FOXO3: variants seen among roughly 807,000 people sequenced by gnomAD.
FOXO3 encodes forkhead box protein O3.
A neutral mutation model predicts 41.9 loss-of-function variants in FOXO3; 4 were observed. The observed-to-expected ratio is 0.10, with a 90% CI of 0.05 to 0.22. FOXO3 has a LOEUF of 0.22. Among genes scored for constraint, FOXO3 ranks in the 10% least tolerant of loss-of-function variants. The probability of loss-of-function intolerance (pLI) is 1.00; values close to 1 mark genes in which losing one functional copy is unlikely to be tolerated. For missense variants in FOXO3, 534 were observed against 906.8 expected (o/e 0.59, Z 5.28); for synonymous variants, 318 against 389.3 (o/e 0.82, Z 2.16).
At chr6:108,650,545 GT>G (rs1778518023) in intron 1 of FOXO3, among the ~76,000 whole-genome samples, 2 of 152,146 alleles carry the variant, frequency 1.3e-5, no homozygotes, top group African/African-American at 2.4e-5. Flanking sequence ...GTGCTTTCAA[GT>G]TTACCTAGCA....
chr6:108,582,839 A>G (rs1179035395), intron 1 of FOXO3, among the ~76,000 whole-genome samples: 1 of 151,930 alleles, frequency 6.6e-6, no homozygotes, highest in Non-Finnish European at 1.5e-5. Context: ...GACTCTCGGT[A>G]CCCCCTTCTC....
intron 1 of FOXO3, among the ~76,000 whole-genome samples, chr6:108,619,423 A>G (rs914681001): frequency 3.3e-5 from 5 of 152,234 alleles, no homozygotes; most frequent in African/African-American, 7.2e-5. Context: ...CCTGCTAGGC[A>G]TTACTTCTCT....
intron 1 of FOXO3, among the ~76,000 whole-genome samples, chr6:108,644,192 A>C (rs1582809287): frequency 6.6e-6 from 1 of 152,272 alleles, no homozygotes; most frequent in Non-Finnish European, 1.5e-5. Flanking sequence ...TTGAGTTCTC[A>C]TCCATGTGGT....
rs79345114 is a variant in FOXO3, at chr6:108,646,479, T to C, written c.622-16976T>C. 9.7e-3 allele frequency among the ~76,000 whole-genome samples: 1,476 copies of C among 152,310 alleles called. 25 individuals carry two copies. Among genetic ancestry groups the C allele is most frequent in the African/African-American group, 0.034 (1,394 of 41,558 alleles). ...TCACCAACCAATCCAAATTTTTTTT[T>C]CCCAAATCTTAATTAAAAACAAAAT... On this transcript the variant is annotated intron_variant, in intron 1 of 2. Transcript: ENST00000406360.
chr6:108,628,019 T>G (rs143675435), intron 1 of FOXO3, among the ~76,000 whole-genome samples: 2 of 152,160 alleles, frequency 1.3e-5, no homozygotes, highest in Non-Finnish European at 2.9e-5. Context: ...ATTTTGGAGA[T>G]AGAGTCCCTA....
intron 1 of FOXO3, among the ~76,000 whole-genome samples, chr6:108,603,443 A>G (rs1373463950): frequency 2.6e-5 from 4 of 152,158 alleles, no homozygotes; most frequent in African/African-American, 9.7e-5. Flanking sequence ...AGCATCAGCC[A>G]TGAAAACTTT....
At chr6:108,638,640 C>T (rs1778176620) in intron 1 of FOXO3, among the ~76,000 whole-genome samples, 1 of 152,196 alleles carries the variant, frequency 6.6e-6, no homozygotes, top group Non-Finnish European at 1.5e-5. Context: ...CCTTCTCCCA[C>T]TGCCCCAGCA....
At chr6:108,643,624 C>G (rs1307048609) in intron 1 of FOXO3, among the ~76,000 whole-genome samples, 3 of 152,176 alleles carry the variant, frequency 2.0e-5, no homozygotes, top group Admixed American at 1.3e-4. Flanking sequence ...AATTTCTTCT[C>G]TTTTGGTCAA....
intron 1 of FOXO3, among the ~76,000 whole-genome samples, chr6:108,634,240 G>C (rs927224565): frequency 3.3e-5 from 5 of 152,274 alleles, no homozygotes; most frequent in African/African-American, 9.6e-5. Context: ...ACGTGTGTGC[G>C]TGTGAATTTA....
intron 2 of FOXO3, among the ~76,000 whole-genome samples, chr6:108,668,720 G>T (rs974285705): frequency 6.6e-6 from 1 of 152,072 alleles, no homozygotes; most frequent in Non-Finnish European, 1.5e-5. Context: ...AGAGGGGAGG[G>T]GTGGTTCACT....
intron 1 of FOXO3, among the ~76,000 whole-genome samples, chr6:108,644,627 C>CA (rs1778346581): frequency 6.6e-6 from 1 of 152,160 alleles, no homozygotes; most frequent in South Asian, 2.1e-4. Flanking sequence ...CCTCATGTTG[C>CA]ATGACTCCCA....
At chr6:108,678,869 C>CTTTTTTTTTTTTTTT (rs1156923290) in intron 2 of FOXO3, among the ~76,000 whole-genome samples, 4 of 55,016 alleles carry the variant, frequency 7.3e-5, no homozygotes, top group African/African-American at 1.4e-4. Flanking sequence ...TTCTTAAATT[C>CTTTTTTTTTTTTTTT]TTTTTTTTTT....
chr6:108,651,890 T>A (rs1778556445), intron 1 of FOXO3, among the ~76,000 whole-genome samples: 1 of 152,230 alleles, frequency 6.6e-6, no homozygotes, highest in Admixed American at 6.5e-5. Context: ...GCATCATATT[T>A]TAAGATTCAC....
At chr6:108,617,962 G>A (rs935663633) in intron 1 of FOXO3, 2 of 520,214 alleles carry the variant, frequency 3.8e-6, no homozygotes, top group Admixed American at 2.9e-5. Context: ...CGTGGTCTGC[G>A]AGAACAGAGT....
At chr6:108,596,964 A>G (rs1387714714) in intron 1 of FOXO3, among the ~76,000 whole-genome samples, 2 of 152,188 alleles carry the variant, frequency 1.3e-5, no homozygotes, top group African/African-American at 2.4e-5. Context: ...GTTGGACTAA[A>G]TAAACTAGAG....
intron 1 of FOXO3, among the ~76,000 whole-genome samples, chr6:108,587,729 G>GT (rs1382486319): frequency 1.3e-5 from 2 of 152,180 alleles, no homozygotes; most frequent in African/African-American, 4.8e-5. Context: ...TTGGCAAAAT[G>GT]TTTAATTTTT....
intron 1 of FOXO3, among the ~76,000 whole-genome samples, chr6:108,609,876 C>G (rs1486273975): frequency 2.0e-5 from 3 of 152,156 alleles, no homozygotes; most frequent in Admixed American, 2.0e-4. Context: ...TTTGCCTAGA[C>G]TAGAGTTTTT....
At chr6:108,617,889 C>T (rs1007534894) in intron 1 of FOXO3, 5 of 345,974 alleles carry the variant, frequency 1.4e-5, no homozygotes, top group Admixed American at 8.2e-5. Flanking sequence ...ACAGAGAAAA[C>T]TATGCTGTAG....
chr6:108,573,482 C>A (rs2128357757), intron 1 of FOXO3, among the ~76,000 whole-genome samples: 1 of 152,244 alleles, frequency 6.6e-6, no homozygotes, highest in South Asian at 2.1e-4. Context: ...GGGAGGTGAA[C>A]TTGGCTCCGT....
Sources: allele counts gnomAD v4.1 joint callset (sites outside exome capture counted in the v4.1 genomes callset), GRCh38; gene constraint gnomAD v4.1.1; transcripts MANE v1.5; gene names NCBI Gene and HGNC (gene_info 2026-07-23, HGNC 2026-07-21).